AOAH: variants seen among roughly 807,000 people sequenced by gnomAD.
AOAH encodes the protein acyloxyacyl hydrolase (neutrophil).
A neutral mutation model predicts 92.2 loss-of-function variants in AOAH; 64 were observed. The ratio of observed to expected loss-of-function variants is 0.69; its 90% CI spans 0.57 to 0.86. The LOEUF (loss-of-function observed/expected upper bound fraction) is 0.86. Among genes scored for constraint, AOAH ranks in the 40% least tolerant of loss-of-function variants. AOAH has a pLI of 0.00. For missense variants in AOAH, 656 were observed against 694.6 expected (o/e 0.94, Z 0.62); for synonymous variants, 263 against 254.5 (o/e 1.03, Z -0.32).
intron 1 of AOAH, among the ~76,000 whole-genome samples, chr7:36,690,799 T>G (rs569258390): frequency 6.6e-6 from 1 of 152,292 alleles, no homozygotes; most frequent in South Asian, 2.1e-4. Context: ...ACACTCCTGG[T>G]AGCACAGGAA....
intron 1 of AOAH, among the ~76,000 whole-genome samples, chr7:36,714,655 A>G (rs1799006670): frequency 6.6e-6 from 1 of 152,242 alleles, no homozygotes; most frequent in South Asian, 2.1e-4. Flanking sequence ...CATCCCTGGG[A>G]TGCAAGGCTG....
intron 20 of AOAH, among the ~76,000 whole-genome samples, chr7:36,515,366 A>AC (rs1783570920): frequency 1.7e-5 from 1 of 57,738 alleles, no homozygotes; most frequent in Admixed American, 2.3e-4. Flanking sequence ...CCACACACAC[A>AC]CCACACACAC....
intron 1 of AOAH, among the ~76,000 whole-genome samples, chr7:36,701,007 C>T (rs1256940412): frequency 6.6e-6 from 1 of 151,978 alleles, no homozygotes; most frequent in African/African-American, 2.4e-5. Context: ...TATTCATGTC[C>T]TTTGCCCACT....
At chr7:36,695,670 T>C (rs1797666444) in intron 1 of AOAH, among the ~76,000 whole-genome samples, 1 of 152,220 alleles carries the variant, frequency 6.6e-6, no homozygotes, top group African/African-American at 2.4e-5. Context: ...TCCTTCCAAA[T>C]TGAAAATTAT....
At chr7:36,551,593 C>T (rs538982064) in intron 13 of AOAH, among the ~76,000 whole-genome samples, 52 of 152,332 alleles carry the variant, frequency 3.4e-4, no homozygotes, top group African/African-American at 1.2e-3. Context: ...TTCTAGGCAC[C>T]TCATGTAGAT....
chr7:36,603,324 G>A (rs1790739028), intron 11 of AOAH, among the ~76,000 whole-genome samples: 1 of 151,768 alleles, frequency 6.6e-6, no homozygotes, highest in African/African-American at 2.4e-5. Context: ...CCCTATCCCC[G>A]CAGACCTCCA....
intron 6 of AOAH, among the ~76,000 whole-genome samples, chr7:36,629,501 A>T (rs1207480818): frequency 6.6e-6 from 1 of 152,154 alleles, no homozygotes; most frequent in Non-Finnish European, 1.5e-5. Context: ...GTCTTCCAGC[A>T]TCTTCTTTCA....
intron 20 of AOAH, among the ~76,000 whole-genome samples, chr7:36,515,250 C>T (rs1192657497): frequency 2.9e-5 from 4 of 136,480 alleles, no homozygotes; most frequent in Admixed American, 1.5e-4. Flanking sequence ...AACCCCACAC[C>T]ACACACACAT....
chr7:36,581,693 G>C (rs1256921304), intron 12 of AOAH, among the ~76,000 whole-genome samples: 1 of 152,158 alleles, frequency 6.6e-6, no homozygotes. Flanking sequence ...TGCTCATGAA[G>C]AGTAAATAGT....
chr7:36,618,446 A>T lies in AOAH; in HGVS notation c.703-101T>A. On this transcript the variant is annotated intron_variant, in intron 9 of 20. Coordinates refer to ENST00000617537, the MANE Select transcript of AOAH (RefSeq NM_001637.4). ...GGCTTTAAAAGCACAAAGGCAAATG[A>T]GTAGATAAAACCCTTTAAAGTTTCT... is the stretch of plus-strand genomic sequence containing the variant. 3.9e-6 allele frequency: 4 copies of T among 1,028,938 alleles called. No individual in the cohort carries two copies. In the South Asian group the frequency reaches 4.0e-5, roughly 10 times the overall value. The allele number at this position is 1,028,938 out of a possible 1,614,324, so 63.7% of individuals were successfully genotyped here.
intron 11 of AOAH, among the ~76,000 whole-genome samples, chr7:36,598,965 C>T (rs979900714): frequency 2.0e-5 from 3 of 152,096 alleles, no homozygotes; most frequent in African/African-American, 7.2e-5. Context: ...CTTAAATGTA[C>T]ATATGTGAAA....
In AOAH at chr7:36,545,488, T is replaced by G. The variant is rs545281940; in HGVS notation, c.1133+3124A>C. 3.9e-5 allele frequency among the ~76,000 whole-genome samples: 6 copies of G among 152,292 alleles called. No individual in the cohort carries two copies. The South Asian group carries it at 1.2e-3, about 32-fold the overall frequency. Reference sequence around the variant, plus strand: ...CTCATTGGGGCCTGCAACCTGTCAGTGCCTCGGCTGGCTTCCTCTTAATTC... The same window carrying G: ...CTCATTGGGGCCTGCAACCTGTCAGGGCCTCGGCTGGCTTCCTCTTAATTC... On this transcript the variant is annotated intron_variant, in intron 15 of 20. Coordinates refer to ENST00000617537, the MANE Select transcript of AOAH (RefSeq NM_001637.4).
intron 15 of AOAH, among the ~76,000 whole-genome samples, chr7:36,542,308 G>A (rs890207237): frequency 1.3e-5 from 2 of 152,144 alleles, no homozygotes; most frequent in Non-Finnish European, 1.5e-5. Flanking sequence ...ATGGCCCCAC[G>A]GACACCTTGA....
intron 11 of AOAH, chr7:36,598,340 A>G (rs1790288178): frequency 6.6e-6 from 1 of 152,206 alleles, no homozygotes; most frequent in South Asian, 2.1e-4. Flanking sequence ...TCACTCGATG[A>G]ACTTCAAAAT....
chr7:36,630,839 A>G (rs1487100842), intron 6 of AOAH, among the ~76,000 whole-genome samples: 1 of 152,188 alleles, frequency 6.6e-6, no homozygotes, highest in African/African-American at 2.4e-5. Flanking sequence ...GATCAAATGC[A>G]CCTGGGGGTG....
intron 13 of AOAH, among the ~76,000 whole-genome samples, chr7:36,555,969 G>A (rs1355923805): frequency 6.6e-6 from 1 of 151,982 alleles, no homozygotes; most frequent in African/African-American, 2.4e-5. Context: ...AGGGTTTTTT[G>A]TGTCTCTATT....
At chr7:36,600,799 T>A (rs1402053976) in intron 11 of AOAH, among the ~76,000 whole-genome samples, 1 of 152,184 alleles carries the variant, frequency 6.6e-6, no homozygotes, top group Non-Finnish European at 1.5e-5. Context: ...GTTGCCTGTT[T>A]AGGGGGCAGT....
intron 11 of AOAH, chr7:36,599,611 C>T (rs1715060546): frequency 6.6e-6 from 1 of 152,166 alleles, no homozygotes; most frequent in Admixed American, 6.5e-5. Context: ...TTTATCCATT[C>T]CCCAGAATTA....
intron 19 of AOAH, 38 bp from the exon 20 acceptor site, chr7:36,522,153 G>A (rs746486481): frequency 6.3e-7 from 1 of 1,597,234 alleles, no homozygotes; most frequent in Non-Finnish European, 8.6e-7. Context: ...AGACACACTT[G>A]CACAAGCAAC....
Sources: allele counts gnomAD v4.1 joint callset (sites outside exome capture counted in the v4.1 genomes callset), GRCh38; gene constraint gnomAD v4.1.1; transcripts MANE v1.5; gene names NCBI Gene and HGNC (gene_info 2026-07-23, HGNC 2026-07-21).